Variants in NDST4 observed in about 807,000 individuals in gnomAD.
NDST4 encodes the protein N-heparan sulfate sulfotransferase 4.
In NDST4, 63 loss-of-function variants were observed where a neutral mutation model predicts 100.8. The ratio of observed to expected loss-of-function variants is 0.62; its 90% CI spans 0.51 to 0.77. The LOEUF is 0.77. Among genes scored for constraint, NDST4 ranks in the 30% least tolerant of loss-of-function variants. NDST4 has a pLI of 0.00. For synonymous variants in NDST4, 377 were observed against 361.8 expected, an observed-to-expected ratio of 1.04 and a Z score of -0.48; for missense variants, 943 against 1,018.4, an observed-to-expected ratio of 0.93 and a Z score of 1.01.
At chr4:114,896,115 T>C (rs1161052202) in intron 6 of NDST4, among the ~76,000 whole-genome samples, 1 of 152,206 alleles carries the variant, frequency 6.6e-6, no homozygotes, top group African/African-American at 2.4e-5. Flanking sequence ...GGTATGAATT[T>C]TTCTGGGAAT....
At position 115,076,859 on chromosome 4, in the gene NDST4, A is replaced by T; in HGVS notation, c.178T>A (p.Tyr60Asn). The change falls in exon 2 of 14, where the codon TAT becomes AAT. Residue 60 changes from tyrosine to asparagine, a missense_variant. This residue lies in a region of NDST4 where 417 missense variants were observed against 384.2 expected (regional missense o/e 1.09). Transcript: ENST00000264363. ...ACTGTTTTCAGCTCCATTGACCTAT[A>T]TGGTAGAATTTTGATGTCAGTGCAT... is the stretch of plus-strand genomic sequence containing the variant. ...AECTDIKILP[Y>N]RSMELKTVKP... 1 of 1,613,788 alleles carries T rather than the reference A, an allele frequency of 6.2e-7. No homozygotes were observed. Among genetic ancestry groups the T allele is most frequent in the South Asian group, 1.1e-5 (1 of 91,082 alleles).
chr4:114,842,207 T>C (rs1723440630), intron 10 of NDST4, among the ~76,000 whole-genome samples: 1 of 152,226 alleles, frequency 6.6e-6, no homozygotes, highest in Non-Finnish European at 1.5e-5. Flanking sequence ...ATTGCGCCAC[T>C]GTATAATGAT....
chr4:115,053,376 A>G (rs902900241), intron 2 of NDST4, among the ~76,000 whole-genome samples: 11 of 152,272 alleles, frequency 7.2e-5, no homozygotes, highest in Non-Finnish European at 1.5e-4. Context: ...AGGGCTTTAC[A>G]TTTAAGTAAT....
intron 2 of NDST4, 92 bp downstream of exon 2, chr4:115,075,967 C>A (rs1729171193): frequency 6.9e-7 from 1 of 1,438,984 alleles, no homozygotes; most frequent in South Asian, 1.4e-5. Context: ...CACCTTAAAA[C>A]TTTAGGGATT....
At chr4:114,887,670 T>A (rs1724508558) in intron 6 of NDST4, among the ~76,000 whole-genome samples, 1 of 152,212 alleles carries the variant, frequency 6.6e-6, no homozygotes, top group South Asian at 2.1e-4. Context: ...TAATTTGGCA[T>A]TTAAAATCCT....
At chr4:114,944,985 G>A (rs933343775) in intron 4 of NDST4, among the ~76,000 whole-genome samples, 8 of 152,002 alleles carry the variant, frequency 5.3e-5, no homozygotes, top group South Asian at 2.1e-4. Context: ...CGAGGCAGGC[G>A]GATCATGTGA....
At chr4:115,100,805 CTTT>C (rs58968400) in intron 1 of NDST4, among the ~76,000 whole-genome samples, 108,918 of 147,686 alleles carry the variant, frequency 0.74, 40,278 homozygotes, top group African/African-American at 0.77. Flanking sequence ...TGCTTCACTC[CTTT>C]TTTTTTTTTT....
At chr4:114,877,721 G>A (rs1429325265) in intron 6 of NDST4, among the ~76,000 whole-genome samples, 1 of 152,132 alleles carries the variant, frequency 6.6e-6, no homozygotes, top group African/African-American at 2.4e-5. Context: ...GGCTGGGCGG[G>A]CAGATCACCC....
intron 7 of NDST4, among the ~76,000 whole-genome samples, chr4:114,854,487 A>G (rs1198393282): frequency 6.6e-6 from 1 of 151,624 alleles, no homozygotes; most frequent in Non-Finnish European, 1.5e-5. Flanking sequence ...TTTTTTTTTG[A>G]GACAGAGTTT....
At chr4:114,937,735 A>T (rs1725660673) in intron 4 of NDST4, among the ~76,000 whole-genome samples, 1 of 152,106 alleles carries the variant, frequency 6.6e-6, no homozygotes, top group African/African-American at 2.4e-5. Flanking sequence ...AGATTAATTT[A>T]AAATTTTGAA....
chr4:114,885,389 A>G (rs188732548), intron 6 of NDST4, among the ~76,000 whole-genome samples: 2 of 152,244 alleles, frequency 1.3e-5, no homozygotes, highest in Non-Finnish European at 2.9e-5. Flanking sequence ...GAACATTTGG[A>G]CATGGTAACT....
chr4:115,063,428 G>A (rs973841583), intron 2 of NDST4, among the ~76,000 whole-genome samples: 1 of 151,836 alleles, frequency 6.6e-6, no homozygotes, highest in African/African-American at 2.4e-5. Context: ...CTTGCTCAGG[G>A]TTTTGTAAAC....
chr4:114,828,023 A>T (rs1034618728), intron 13 of NDST4, 88 bp from the exon 14 acceptor site: 2 of 1,118,394 alleles, frequency 1.8e-6, no homozygotes, highest in African/African-American at 3.2e-5. Context: ...GAATATATCT[A>T]CTACAGTATA....
chr4:114,844,114 G>A (rs537866208), intron 10 of NDST4, among the ~76,000 whole-genome samples: 1 of 152,018 alleles, frequency 6.6e-6, no homozygotes, highest in African/African-American at 2.4e-5. Context: ...TGATTTTAAT[G>A]TCTAAATATC....
At chr4:115,065,432 T>C (rs184263139) in intron 2 of NDST4, among the ~76,000 whole-genome samples, 1 of 152,290 alleles carries the variant, frequency 6.6e-6, no homozygotes, top group African/African-American at 2.4e-5. Context: ...GGTTTGTTCC[T>C]TGTTCTGTCA....
At chr4:114,898,242 TA>T (rs1724758687) in intron 6 of NDST4, among the ~76,000 whole-genome samples, 1 of 152,212 alleles carries the variant, frequency 6.6e-6, no homozygotes, top group Non-Finnish European at 1.5e-5. Context: ...GTGAAGGATA[TA>T]AGGTGTCTAG....
chr4:114,837,422 A>G (rs902749638), intron 11 of NDST4, among the ~76,000 whole-genome samples: 2 of 152,148 alleles, frequency 1.3e-5, no homozygotes, highest in Non-Finnish European at 2.9e-5. Flanking sequence ...CCTGACTTCA[A>G]ACTATAGTAC....
chr4:115,036,385 T>C (rs1421148780), intron 2 of NDST4, among the ~76,000 whole-genome samples: 6 of 150,294 alleles, frequency 4.0e-5, no homozygotes, highest in Non-Finnish European at 8.9e-5. Context: ...ATAAACTATA[T>C]ATTTATATAA....
At chr4:114,974,920 AT>A (rs1726595999) in intron 3 of NDST4, among the ~76,000 whole-genome samples, 1 of 152,142 alleles carries the variant, frequency 6.6e-6, no homozygotes, top group Non-Finnish European at 1.5e-5. Context: ...ATCCATCAGC[AT>A]CCTCACGCAC....
Sources: gnomAD v4.1 joint callset for allele counts (sites outside exome capture counted in the v4.1 genomes callset) on GRCh38, gnomAD v4.1.1 for gene constraint, gnomAD v4.1.1 regional missense constraint, MANE v1.5 for transcripts, NCBI Gene and HGNC (gene_info 2026-07-23, HGNC 2026-07-21) for gene names.